Variants in ABCB4 observed in about 807,000 individuals in gnomAD.
ABCB4 encodes phosphatidylcholine translocator ABCB4.
ABCB4 carries 76 observed loss-of-function variants against 145.7 expected under a neutral mutation model. The ratio of observed to expected loss-of-function variants is 0.52; its 90% CI spans 0.43 to 0.63. ABCB4 has a LOEUF of 0.63. ABCB4 is among the 30% of genes least tolerant of loss of function. The pLI is 0.00. For missense variants in ABCB4, 1,234 were observed against 1,553.1 expected, an observed-to-expected ratio of 0.79 and a Z score of 3.45; for synonymous variants, 517 against 566.8, an observed-to-expected ratio of 0.91 and a Z score of 1.25.
At chr7:87,378,480 G>A in the ABCB4 span, among the ~76,000 whole-genome samples, 1 of 152,146 alleles carries the variant, frequency 6.6e-6, no homozygotes, top group African/African-American at 2.4e-5. Context: ...GGGTAAAGCT[G>A]ACTTCAATGT....
At chr7:87,463,958 C>G (rs1299027397) in intron 3 of ABCB4, among the ~76,000 whole-genome samples, 1 of 152,216 alleles carries the variant, frequency 6.6e-6, no homozygotes, top group Non-Finnish European at 1.5e-5. Flanking sequence ...CTTTCCTCCT[C>G]TGCCTTCTAG....
Position 87,472,086 on chromosome 7 carries a change from G to A in ABCB4, c.135+535C>T, listed in dbSNP as rs559857735. ...CCTTGCACACCAGTTAGCTCTGTCC[G>A]GTGTCATCGCCAGCCTGTCTCTACT... On this transcript the variant is annotated intron_variant, in intron 3 of 27. Transcript: ENST00000649586. Among the ~76,000 whole-genome samples the A allele has an allele frequency of 1.1e-4, 16 of 152,174 alleles. No individual in the cohort carries two copies. In the South Asian group the frequency reaches 1.5e-3, roughly 14 times the overall value.
chr7:87,458,808 G>A (rs1296275426), intron 4 of ABCB4, among the ~76,000 whole-genome samples: 2 of 152,104 alleles, frequency 1.3e-5, no homozygotes, highest in African/African-American at 4.8e-5. Flanking sequence ...CATCATAACA[G>A]GAGTGTTTAT....
the ABCB4 span, among the ~76,000 whole-genome samples, chr7:87,372,007 C>CAAAAAAAAAAAAAA: frequency 8.1e-6 from 1 of 123,998 alleles, no homozygotes. Context: ...AAAAAAAAAA[C>CAAAAAAAAAAAAAA]AAAAAAAAAA....
intron 22 of ABCB4, among the ~76,000 whole-genome samples, chr7:87,412,869 T>C (rs1392547521): frequency 6.6e-6 from 1 of 152,238 alleles, no homozygotes; most frequent in African/African-American, 2.4e-5. Flanking sequence ...TGCATACATG[T>C]TTTATGTCAA....
At chr7:87,463,517 C>A (rs1812610087) in intron 3 of ABCB4, among the ~76,000 whole-genome samples, 1 of 152,166 alleles carries the variant, frequency 6.6e-6, no homozygotes, top group Non-Finnish European at 1.5e-5. Context: ...ACCAGTGTCA[C>A]CTGCCAAGTA....
intron 6 of ABCB4, 78 bp from the exon 7 acceptor site, chr7:87,451,872 T>C: frequency 1.4e-6 from 2 of 1,406,738 alleles, no homozygotes; most frequent in Non-Finnish European, 2.0e-6. Flanking sequence ...AACAAACACA[T>C]AGACAAGTAA....
chr7:87,412,063 A>G lies in ABCB4; in HGVS notation c.2784-30T>C, dbSNP rs761037382. ...AAAGCAAATCAGTATACTTGTAACC[A>G]TCTCTTCAGCCTCCTTTAGCGCTGT... On this transcript the variant is annotated intron_variant, in intron 22 of 27. Coordinates refer to ENST00000649586, the MANE Select transcript of ABCB4 (RefSeq NM_000443.4). 6 of 1,612,724 alleles carry G rather than the reference A, an allele frequency of 3.7e-6. No homozygotes were observed. In the African/African-American group the frequency reaches 5.3e-5, roughly 14 times the overall value.
rs1811107125 is a variant in ABCB4, at chr7:87,443,332, G to A, written c.1343C>T (p.Pro448Leu). Residue 448 changes from proline to leucine, a missense_variant, in exon 12 of 28, where the codon CCT becomes CTT. Pro to Leu is a moderately conservative substitution (Grantham distance 98). Coordinates refer to ENST00000649586, the MANE Select transcript of ABCB4 (RefSeq NM_000443.4). ...CTTCCCACTTACTGTGCCCTCATCA[G>A]GGTCATAGAGCCTCTGTATCAGCTG... The part of the protein sequence containing the change: ...TVQLIQRLYD[P>L]DEGTINIDGQ... The A allele has an allele frequency of 1.2e-6, 2 of 1,613,886 alleles. No homozygotes were observed. Among genetic ancestry groups the A allele is most frequent in the African/African-American group, 2.7e-5 (2 of 74,912 alleles).
chr7:87,387,462 C>CTT, the ABCB4 span, among the ~76,000 whole-genome samples: 1 of 145,132 alleles, frequency 6.9e-6, no homozygotes. Context: ...ATGAGCTATA[C>CTT]TTTTTTTTTT....
At position 87,420,815 on chromosome 7, in the gene ABCB4, G is replaced by T. The variant is rs113755411; in HGVS notation, c.2317-740C>A. On this transcript the variant is annotated intron_variant, in intron 18 of 27. Transcript: ENST00000649586. ...CTGGCTTCTAAACCATTCTAAATAG[G>T]TTTATTTTTCAAAACTTTGAAGGAC... Among the ~76,000 whole-genome samples the T allele has an allele frequency of 2.5e-3, 386 of 152,182 alleles. 1 individual carries two copies. The highest frequency in any genetic ancestry group is 8.9e-3 in the African/African-American group (369 of 41,522).
At chr7:87,475,261 C>T in intron 2 of ABCB4, 125 bp downstream of exon 2, 1 of 1,165,116 alleles carries the variant, frequency 8.6e-7, no homozygotes, top group South Asian at 1.2e-5. Flanking sequence ...CAAGACCCTT[C>T]AAAGAAGCCT....
chr7:87,416,252 TA>T (rs1191838769), intron 21 of ABCB4, among the ~76,000 whole-genome samples: 1 of 152,210 alleles, frequency 6.6e-6, no homozygotes, highest in East Asian at 1.9e-4. Context: ...ATAATTGGTT[TA>T]GTGGAAACAT....
intron 21 of ABCB4, among the ~76,000 whole-genome samples, chr7:87,414,397 GT>G (rs1808829110): frequency 6.6e-6 from 1 of 152,204 alleles, no homozygotes; most frequent in Non-Finnish European, 1.5e-5. Flanking sequence ...TGGAATAGAT[GT>G]ATAGGAAGAC....
At chr7:87,382,237 T>G in the ABCB4 span, 1 of 1,482,944 alleles carries the variant, frequency 6.7e-7, no homozygotes, top group South Asian at 1.2e-5. Flanking sequence ...AACAACCATA[T>G]GTAAAAATTT....
At chr7:87,472,751 G>T (rs1813519040) in intron 2 of ABCB4, 76 bp from the exon 3 acceptor site, 3 of 1,024,294 alleles carry the variant, frequency 2.9e-6, no homozygotes, top group Non-Finnish European at 4.5e-6. Flanking sequence ...AATATGTTTA[G>T]TTACAATATT....
chr7:87,435,501 A>G (rs907212981), intron 14 of ABCB4, among the ~76,000 whole-genome samples: 1 of 152,196 alleles, frequency 6.6e-6, no homozygotes, highest in Non-Finnish European at 1.5e-5. Flanking sequence ...TCTGTTTGCC[A>G]TCTTCGGATG....
chr7:87,379,264 A>G, the ABCB4 span, among the ~76,000 whole-genome samples: 2 of 152,106 alleles, frequency 1.3e-5, no homozygotes, highest in African/African-American at 4.8e-5. Context: ...AACTGACCTT[A>G]ATATTCATCA....
Position 87,451,711 on chromosome 7 carries a change from A to C in ABCB4, c.620T>G (p.Ile207Arg). The change falls in exon 7 of 28, where the codon ATA (isoleucine) becomes AGA (arginine). Residue 207 changes from isoleucine to arginine, a missense_variant. Ile to Arg is a moderately conservative substitution (Grantham distance 97). Coordinates refer to ENST00000649586, the MANE Select transcript of ABCB4 (RefSeq NM_000443.4). The stretch of plus-strand genomic sequence containing the variant: ...CTTCCATCCTCTGATGAATCCCACT[A>C]TGAATCCTGCAAAAAACGTGGCTAC... The part of the protein sequence containing the change: ...QAVATFFAGF[I>R]VGFIRGWKLT... The C allele has an allele frequency of 1.2e-6, 2 of 1,614,206 alleles. No homozygotes were observed. Among genetic ancestry groups the C allele is most frequent in the Non-Finnish European group, 1.7e-6 (2 of 1,180,034 alleles).
Sources: allele counts gnomAD v4.1 joint callset (sites outside exome capture counted in the v4.1 genomes callset), GRCh38; gene constraint gnomAD v4.1.1; transcripts MANE v1.5; gene names NCBI Gene and HGNC (gene_info 2026-07-23, HGNC 2026-07-21).